The following AGBL4 variants were observed in gnomAD, a reference collection of about 807,000 sequenced individuals.
AGBL4 encodes the protein AGBL carboxypeptidase 4.
In AGBL4, 58 loss-of-function variants were observed where a neutral mutation model predicts 66.4. The ratio of observed to expected loss-of-function variants is 0.87; its 90% CI spans 0.71 to 1.09. The LOEUF is 1.09. Among genes scored for constraint, AGBL4 ranks in the 50% least tolerant of loss-of-function variants. AGBL4 has a pLI of 0.00. For missense variants in AGBL4, 579 were observed against 631.0 expected, an observed-to-expected ratio of 0.92 and a Z score of 0.88; for synonymous variants, 234 against 222.9, an observed-to-expected ratio of 1.05 and a Z score of -0.44.
At chr1:48,763,071 T>G (rs1484373630) in intron 6 of AGBL4, among the ~76,000 whole-genome samples, 1 of 150,670 alleles carries the variant, frequency 6.6e-6, no homozygotes, top group Non-Finnish European at 1.5e-5. Context: ...TTTCTTCTCT[T>G]AAGCATAAAG....
intron 2 of AGBL4, among the ~76,000 whole-genome samples, chr1:49,790,748 A>G (rs1466900614): frequency 6.6e-6 from 1 of 152,240 alleles, no homozygotes; most frequent in East Asian, 1.9e-4. Flanking sequence ...GCATATCTGC[A>G]CAATAAGAAA....
intron 1 of AGBL4, among the ~76,000 whole-genome samples, chr1:49,861,929 A>G (rs538589737): frequency 1.3e-5 from 2 of 152,316 alleles, no homozygotes; most frequent in East Asian, 3.9e-4. Flanking sequence ...GGCTATAAAC[A>G]AGCCCAGAAA....
chr1:49,974,976 A>G (rs1658439126), intron 1 of AGBL4, among the ~76,000 whole-genome samples: 1 of 152,242 alleles, frequency 6.6e-6, no homozygotes. Context: ...TACATCATAC[A>G]TTATATACAT....
chr1:49,256,023 A>G (rs540379277), intron 3 of AGBL4, among the ~76,000 whole-genome samples: 5 of 152,260 alleles, frequency 3.3e-5, no homozygotes, highest in Admixed American at 1.3e-4. Flanking sequence ...AAAAAGTGGG[A>G]GAATGGAAAT....
At chr1:49,005,856 C>T (rs1283734005) in intron 5 of AGBL4, among the ~76,000 whole-genome samples, 2 of 152,082 alleles carry the variant, frequency 1.3e-5, no homozygotes, top group Non-Finnish European at 2.9e-5. Flanking sequence ...CAAAAATTAG[C>T]TGGACATGGT....
chr1:49,415,657 A>G (rs1645411571), intron 3 of AGBL4, among the ~76,000 whole-genome samples: 2 of 152,142 alleles, frequency 1.3e-5, no homozygotes, highest in Admixed American at 6.6e-5. Context: ...AAGGAGAGTG[A>G]GAGATGGATT....
intron 5 of AGBL4, among the ~76,000 whole-genome samples, chr1:48,927,790 CAA>C (rs1654716096): frequency 6.6e-6 from 1 of 152,140 alleles, no homozygotes; most frequent in Admixed American, 6.5e-5. Flanking sequence ...CTATAAGGCT[CAA>C]TGCTAGGATT....
At chr1:49,743,827 T>C (rs1650761709) in intron 2 of AGBL4, among the ~76,000 whole-genome samples, 2 of 144,544 alleles carry the variant, frequency 1.4e-5, no homozygotes, top group African/African-American at 5.2e-5. Flanking sequence ...CACCGCATGT[T>C]CTCACTCATA....
rs572544467 is a variant in AGBL4 at position 49,278,255 on chromosome 1, C to T, written c.283-32391G>A. Among the ~76,000 whole-genome samples, 293 of 152,130 alleles carry T rather than the reference C, an allele frequency of 1.9e-3. 10 individuals are homozygous for T. In the South Asian group the frequency reaches 0.06, roughly 31 times the overall value. ...AACAAAAAAGTAGAAAATTTATCTC[C>T]TCTCCTTTGGAATCACGTCCCAGGT... On this transcript the variant is annotated intron_variant, in intron 3 of 13. Transcript: ENST00000371839.
chr1:49,833,773 C>T (rs943408225), intron 2 of AGBL4, among the ~76,000 whole-genome samples: 2 of 152,128 alleles, frequency 1.3e-5, no homozygotes, highest in African/African-American at 2.4e-5. Context: ...TGGGAGTTCA[C>T]TCATGATTTG....
intron 2 of AGBL4, among the ~76,000 whole-genome samples, chr1:49,819,049 G>C (rs1488813750): frequency 6.6e-6 from 1 of 151,990 alleles, no homozygotes; most frequent in Non-Finnish European, 1.5e-5. Context: ...TAGAAAAATA[G>C]TGCCTATTTC....
At chr1:48,871,980 A>C (rs1648723225) in intron 5 of AGBL4, among the ~76,000 whole-genome samples, 1 of 152,152 alleles carries the variant, frequency 6.6e-6, no homozygotes, top group Admixed American at 6.5e-5. Flanking sequence ...TCTGAAAACT[A>C]TAGTTGTCCT....
intron 3 of AGBL4, among the ~76,000 whole-genome samples, chr1:49,434,389 T>C (rs1273916690): frequency 4.6e-5 from 7 of 152,160 alleles, no homozygotes; most frequent in Non-Finnish European, 1.0e-4. Context: ...CAGATATGAA[T>C]TCTACTTTTA....
chr1:49,701,987 A>G (rs71647746), intron 2 of AGBL4, among the ~76,000 whole-genome samples: 2 of 152,176 alleles, frequency 1.3e-5, no homozygotes, highest in Admixed American at 1.3e-4. Context: ...GGGTAATTCC[A>G]CCAAGAACAT....
intron 3 of AGBL4, among the ~76,000 whole-genome samples, chr1:49,246,774 G>A (rs549047203): frequency 3.4e-4 from 52 of 152,036 alleles, no homozygotes; most frequent in African/African-American, 1.1e-3. Context: ...TGAGAGCTAC[G>A]GGTAGAGCAG....
intron 3 of AGBL4, among the ~76,000 whole-genome samples, chr1:49,492,917 T>A (rs547518529): frequency 1.9e-4 from 29 of 152,096 alleles, no homozygotes; most frequent in African/African-American, 7.0e-4. Context: ...CAATTGAGCA[T>A]GACTGGGTAG....
intron 2 of AGBL4, chr1:49,844,795 C>G: frequency 6.4e-7 from 1 of 1,564,592 alleles, no homozygotes; most frequent in South Asian, 1.1e-5. Flanking sequence ...CTGGGATGGT[C>G]TGTGGTACTG....
chr1:49,372,695 CTTTCTT>C (rs1241186734), intron 3 of AGBL4, among the ~76,000 whole-genome samples: 50 of 129,134 alleles, frequency 3.9e-4, no homozygotes, highest in South Asian at 1.2e-3. Flanking sequence ...CTTTCTCTTT[CTTTCTT>C]TTTCTTTCTC....
chr1:49,025,952 T>G (rs914720661), intron 5 of AGBL4, among the ~76,000 whole-genome samples: 2 of 152,156 alleles, frequency 1.3e-5, no homozygotes, highest in Admixed American at 1.3e-4. Context: ...TATTGAAGCA[T>G]TTTTTACATG....
Sources: gnomAD v4.1 joint callset for allele counts (sites outside exome capture counted in the v4.1 genomes callset) on GRCh38, gnomAD v4.1.1 for gene constraint, MANE v1.5 for transcripts, NCBI Gene and HGNC (gene_info 2026-07-23, HGNC 2026-07-21) for gene names.